LEMD2: variants seen among roughly 807,000 people sequenced by gnomAD.
The protein encoded by LEMD2 is LEM domain nuclear envelope protein 2.
In LEMD2, 34 loss-of-function variants were observed where a neutral mutation model predicts 58.8. The ratio of observed to expected loss-of-function variants is 0.58; its 90% confidence interval spans 0.44 to 0.77. LEMD2 has a LOEUF of 0.77. Ranked by LOEUF, LEMD2 falls within the 30% of genes least tolerant of loss-of-function variation. LEMD2 has a pLI of 0.00. For synonymous variants in LEMD2, 298 were observed against 308.9 expected, an observed-to-expected ratio of 0.96 and a Z score of 0.37; for missense variants, 629 against 717.9, an observed-to-expected ratio of 0.88 and a Z score of 1.42.
At chr6:33,781,457 G>A (rs1209340475) in intron 3 of LEMD2, 10 of 330,442 alleles carry the variant, frequency 3.0e-5, no homozygotes, top group Admixed American at 4.7e-5. Flanking sequence ...AGATAGCTTC[G>A]GAAGGTACCG....
chr6:33,783,948 G>A (rs551562405), intron 3 of LEMD2, among the ~76,000 whole-genome samples: 6 of 152,312 alleles, frequency 3.9e-5, no homozygotes, highest in South Asian at 2.1e-4. Flanking sequence ...GGCCTCTCCC[G>A]GGCCCAGCCA....
Position 33,778,491 on chromosome 6 carries a change from G to T in LEMD2, c.1011-104C>A. On this transcript the variant is annotated intron_variant, in intron 5 of 8. Transcript: ENST00000293760. The surrounding 1 kb of genome is among the most constrained non-coding windows in gnomAD (Gnocchi z 4.7). Reference sequence around the variant, plus strand: ...AAGCGAAGGAAAGTGGGGACGCAAGGCCTCTACTTGCTTATAGAATAGGCT... The same window carrying T: ...AAGCGAAGGAAAGTGGGGACGCAAGTCCTCTACTTGCTTATAGAATAGGCT... 1.2e-6 allele frequency: 1 copy of T among 869,104 alleles called. No homozygotes were observed. The allele number at this position is 869,104 out of a possible 1,614,324, so 53.8% of individuals were successfully genotyped here.
At position 33,788,646 on chromosome 6, in the gene LEMD2, G is replaced by C. The variant is rs777628746; in HGVS notation, c.471C>G (p.Leu157=). 85 of 1,276,194 alleles carry C rather than the reference G, an allele frequency of 6.7e-5. 1 individual carries two copies. The Middle Eastern group carries it at 1.2e-3, about 18-fold the overall frequency. The allele number at this position is 1,276,194 out of a possible 1,614,324, so 79.1% of individuals were successfully genotyped here. The part of the protein sequence containing the change: ...TPDRATQGPG[L]AARRWWAASP... ...ACGCTGCCCACCAGCGGCGGGCCGC[G>C]AGACCCGGGCCCTGCGTGGCCCTGT... The change falls in exon 1 of 9, where the codon CTC becomes CTG. Residue 157 remains leucine, a synonymous_variant. Transcript: ENST00000293760.
rs987850643 is a variant in LEMD2 at position 33,788,842 on chromosome 6, G to T, written c.275C>A (p.Pro92Gln). 3 of 1,409,562 alleles carry T rather than the reference G, an allele frequency of 2.1e-6. No homozygotes were observed. Among genetic ancestry groups the T allele is most frequent in the African/African-American group, 3.0e-5 (2 of 66,206 alleles). The allele number at this position is 1,409,562 out of a possible 1,614,324, so 87.3% of individuals were successfully genotyped here. A position where few individuals can be genotyped will look rare whatever the true frequency, so the allele number is the denominator to read the frequency against. The change falls in exon 1 of 9, where the codon CCG becomes CAG. Residue 92 changes from proline to glutamine, a missense_variant. Coordinates refer to ENST00000293760, the MANE Select transcript of LEMD2 (RefSeq NM_181336.4). The part of the protein sequence containing the change: ...SPRAEPWLSQ[P>Q]ASGSAYATPG... Reference sequence around the variant, plus strand: ...GGTCGCGTAGGCCGAGCCCGAGGCCGGCTGGGAGAGCCAGGGCTCCGCCCG... The same window carrying T: ...GGTCGCGTAGGCCGAGCCCGAGGCCTGCTGGGAGAGCCAGGGCTCCGCCCG...
In LEMD2 at chr6:33,778,141, A is replaced by C; in HGVS notation, c.1156+101T>G. On this transcript the variant is annotated intron_variant, in intron 6 of 8. Transcript: ENST00000293760. This position sits in a 1 kb window ranked among gnomAD's most constrained non-coding sequence, Gnocchi z 4.7. ...GAGACAGACCTCAGGTTCACTAGACAGAAATGAACCCTCCGGGCCTGGAAT... is the reference window on the plus strand; with the variant it reads ...GAGACAGACCTCAGGTTCACTAGACCGAAATGAACCCTCCGGGCCTGGAAT... 8.4e-7 allele frequency: 1 copy of C among 1,195,910 alleles called. No individual in the cohort carries two copies. Among genetic ancestry groups the C allele is most frequent in the Non-Finnish European group, 1.1e-6 (1 of 888,388 alleles). The allele number at this position is 1,195,910 out of a possible 1,614,324, so 74.1% of individuals were successfully genotyped here. A position where few individuals can be genotyped will look rare whatever the true frequency, so the allele number is the denominator to read the frequency against.
At chr6:33,787,813 G>A (rs1489984392) in intron 1 of LEMD2, among the ~76,000 whole-genome samples, 1 of 152,188 alleles carries the variant, frequency 6.6e-6, no homozygotes, top group Non-Finnish European at 1.5e-5. Context: ...GCAATGATAA[G>A]GGCCTCCAGT....
intron 6 of LEMD2, among the ~76,000 whole-genome samples, chr6:33,777,653 AG>A (rs1767466517): frequency 6.6e-6 from 1 of 152,152 alleles, no homozygotes; most frequent in African/African-American, 2.4e-5. Flanking sequence ...GTGCACACTG[AG>A]GCGGTCTGTG....
At position 33,778,590 on chromosome 6, in the gene LEMD2, C is replaced by A; in HGVS notation, c.1011-203G>T. ...AGAATGAATAAAGCTTTAAAGACGGCAGCAGGCTTGAACCCCTACCGCTAA... is the reference window on the plus strand; with the variant it reads ...AGAATGAATAAAGCTTTAAAGACGGAAGCAGGCTTGAACCCCTACCGCTAA... On this transcript the variant is annotated intron_variant, in intron 5 of 8. Coordinates refer to ENST00000293760, the MANE Select transcript of LEMD2 (RefSeq NM_181336.4). The surrounding 1 kb of genome is among the most constrained non-coding windows in gnomAD (Gnocchi z 4.7). 4.9e-6 allele frequency: 2 copies of A among 408,472 alleles called. No individual in the cohort carries two copies. The highest frequency in any genetic ancestry group is 8.6e-6 in the Non-Finnish European group (2 of 232,820). The allele number at this position is 408,472 out of a possible 1,614,324, so 25.3% of individuals were successfully genotyped here. A position where few individuals can be genotyped will look rare whatever the true frequency, so the allele number is the denominator to read the frequency against.
intron 5 of LEMD2, chr6:33,779,801 T>G (rs376751351): frequency 1.2e-4 from 36 of 299,348 alleles, no homozygotes; most frequent in Non-Finnish European, 2.0e-4. Flanking sequence ...CCATGTGGTG[T>G]TGTTGATGAA....
chr6:33,774,037 T>C (rs1767370872), intron 8 of LEMD2, among the ~76,000 whole-genome samples: 1 of 152,162 alleles, frequency 6.6e-6, no homozygotes, highest in African/African-American at 2.4e-5. Flanking sequence ...AAGGCTTGGG[T>C]GGTAGCTCCG....
In LEMD2 at chr6:33,772,873, G is replaced by C. The variant is rs1767336814; in HGVS notation, c.1362-95C>G. 5.9e-6 allele frequency: 7 copies of C among 1,188,352 alleles called. No homozygotes were observed. The South Asian group carries it at 1.1e-4, about 18-fold the overall frequency. 73.6% of individuals were successfully genotyped at this position (1,188,352 alleles called of 1,614,324 possible). On this transcript the variant is annotated intron_variant, in intron 8 of 8. Coordinates refer to ENST00000293760, the MANE Select transcript of LEMD2 (RefSeq NM_181336.4). ...AAAGGGCACACATTTCCAGGCTCTG[G>C]CATGGAATTTATGTAAGAGAGGAAA...
chr6:33,777,318 G>T, intron 6 of LEMD2, 79 bp from the exon 7 acceptor site: 2 of 973,094 alleles, frequency 2.1e-6, no homozygotes, highest in South Asian at 1.3e-5. Flanking sequence ...TGCTGTGATG[G>T]ATGCTGTGGG....
At chr6:33,772,872 G>GA in intron 8 of LEMD2, 94 bp from the exon 9 acceptor site, 6 of 1,182,446 alleles carry the variant, frequency 5.1e-6, no homozygotes, top group Non-Finnish European at 7.1e-6. Context: ...TCCAGGCTCT[G>GA]GCATGGAATT....
chr6:33,781,596 C>T (rs1767566947), intron 3 of LEMD2: 1 of 168,646 alleles, frequency 5.9e-6, no homozygotes, highest in African/African-American at 2.4e-5. Context: ...TGAGGGGCCC[C>T]TTGGAGGAAG....
chr6:33,774,970 CTGAATGAATGAATGAA>C (rs3067716), intron 8 of LEMD2, among the ~76,000 whole-genome samples: 1 of 151,416 alleles, frequency 6.6e-6, no homozygotes, highest in Non-Finnish European at 1.5e-5. Flanking sequence ...TGTGGAGGAA[CTGAATGAATGAATGAA>C]TGAATGAATG....
At chr6:33,776,788 G>A (rs377025127) in intron 8 of LEMD2, 166 bp downstream of exon 8, 17 of 640,822 alleles carry the variant, frequency 2.7e-5, no homozygotes, top group Non-Finnish European at 3.9e-5. Context: ...ATAAAGAGCC[G>A]AGCATGCTGG....
At position 33,784,431 on chromosome 6, in the gene LEMD2, G is replaced by A; in HGVS notation, c.778-4C>T. The A allele has an allele frequency of 8.1e-7, 1 of 1,237,626 alleles. No homozygotes were observed. The highest frequency in any genetic ancestry group is 5.1e-5 in the East Asian group (1 of 19,514). 76.7% of individuals were successfully genotyped at this position (1,237,626 alleles called of 1,614,324 possible). A position where few individuals can be genotyped will look rare whatever the true frequency, so the allele number is the denominator to read the frequency against. Reference sequence around the variant, plus strand: ...CCTTCTGCTTGGCCTGACAGAACTGGAAAGGCACGGGACAAGTGGTCAGCA... The same window carrying A: ...CCTTCTGCTTGGCCTGACAGAACTGAAAAGGCACGGGACAAGTGGTCAGCA... On this transcript the variant is annotated splice_polypyrimidine_tract_variant and splice_region_variant and intron_variant, in intron 2 of 8. Coordinates refer to ENST00000293760, the MANE Select transcript of LEMD2 (RefSeq NM_181336.4).
At chr6:33,783,306 A>G (rs1015422837) in intron 3 of LEMD2, among the ~76,000 whole-genome samples, 2 of 152,076 alleles carry the variant, frequency 1.3e-5, no homozygotes, top group Non-Finnish European at 2.9e-5. Context: ...TGCCTCCCCT[A>G]CCATCTCATC....
intron 8 of LEMD2, among the ~76,000 whole-genome samples, chr6:33,775,984 G>A (rs143667613): frequency 6.6e-6 from 1 of 152,088 alleles, no homozygotes. Context: ...GCCAACACTG[G>A]GGGGGGCCCT....
Sources: allele counts gnomAD v4.1 joint callset (sites outside exome capture counted in the v4.1 genomes callset), GRCh38; gene constraint gnomAD v4.1.1; non-coding constraint Gnocchi (gnomAD v3.1); transcripts MANE v1.5; gene names NCBI Gene and HGNC (gene_info 2026-07-23, HGNC 2026-07-21).